NRG1: variants seen among roughly 807,000 people sequenced by gnomAD.
NRG1 encodes the protein pro-neuregulin-1, membrane-bound isoform.
In NRG1, 18 loss-of-function variants were observed where a neutral mutation model predicts 63.8. The observed-to-expected ratio is 0.28, with a 90% CI of 0.19 to 0.42. The LOEUF is 0.42. Ranked by LOEUF, NRG1 falls within the 10% of genes least tolerant of loss-of-function variation. The probability of loss-of-function intolerance (pLI) is 1.00; values close to 1 mark genes in which losing one functional copy is unlikely to be tolerated. For missense variants in NRG1, 762 were observed against 814.7 expected (o/e 0.94, Z 0.79); for synonymous variants, 302 against 301.3 (o/e 1.00, Z -0.02).
intron 1 of NRG1, among the ~76,000 whole-genome samples, chr8:32,593,346 C>T (rs184959136): frequency 1.8e-4 from 28 of 152,088 alleles, no homozygotes; most frequent in Non-Finnish European, 2.1e-4. Context: ...CATGTAGCAC[C>T]GGCAGATTTG....
At chr8:32,466,039 G>A (rs889507673) in intron 1 of NRG1, among the ~76,000 whole-genome samples, 65 of 151,946 alleles carry the variant, frequency 4.3e-4, no homozygotes, top group African/African-American at 1.5e-3. Context: ...TTTCATTAAT[G>A]AGCCTGTAAT....
intron 5 of NRG1, among the ~76,000 whole-genome samples, chr8:32,635,091 C>A (rs967364623): frequency 4.6e-5 from 7 of 152,182 alleles, no homozygotes; most frequent in Non-Finnish European, 7.3e-5. Context: ...TCTAAGGTGA[C>A]TCGGACCTTA....
chr8:32,100,921 A>C (rs1830490688), intron 1 of NRG1, among the ~76,000 whole-genome samples: 1 of 152,064 alleles, frequency 6.6e-6, no homozygotes, highest in Admixed American at 6.6e-5. Context: ...CACAAGAAAT[A>C]CTCTGTAATT....
chr8:32,096,177 G>C (rs552662965), intron 1 of NRG1, among the ~76,000 whole-genome samples: 3 of 152,292 alleles, frequency 2.0e-5, no homozygotes, highest in East Asian at 3.9e-4. Context: ...AAACCAACAC[G>C]TAGCATTAAG....
chr8:31,683,749 G>C (rs1808582230), intron 1 of NRG1, among the ~76,000 whole-genome samples: 1 of 152,096 alleles, frequency 6.6e-6, no homozygotes, highest in African/African-American at 2.4e-5. Context: ...AGGTACCACT[G>C]TGCTGGGGGA....
intron 1 of NRG1, among the ~76,000 whole-genome samples, chr8:31,998,396 C>A (rs750883433): frequency 9.9e-5 from 15 of 151,928 alleles, no homozygotes; most frequent in Non-Finnish European, 2.2e-4. Context: ...AATACAGATA[C>A]TTGGTAAAAT....
At chr8:31,664,896 A>G (rs768204858) in intron 1 of NRG1, among the ~76,000 whole-genome samples, 2 of 152,236 alleles carry the variant, frequency 1.3e-5, no homozygotes, top group African/African-American at 2.4e-5. Context: ...TTGTAATCTA[A>G]ATGTGGAGAC....
At chr8:31,919,131 T>C (rs1183373807) in intron 1 of NRG1, among the ~76,000 whole-genome samples, 2 of 152,194 alleles carry the variant, frequency 1.3e-5, no homozygotes, top group Non-Finnish European at 2.9e-5. Context: ...CTATCAATTT[T>C]GTTGATCCTT....
intron 1 of NRG1, among the ~76,000 whole-genome samples, chr8:32,064,800 G>GA (rs1379327090): frequency 2.6e-5 from 4 of 151,966 alleles, no homozygotes; most frequent in African/African-American, 4.8e-5. Context: ...AACTGCTAGT[G>GA]AAAAAATAAA....
chr8:31,657,382 A>G lies in NRG1; in HGVS notation c.37+17951A>G, dbSNP rs138894691. Among the ~76,000 whole-genome samples the G allele has an allele frequency of 1.6e-3, 239 of 152,348 alleles. 2 individuals are homozygous for G. Among genetic ancestry groups the G allele is most frequent in the African/African-American group, 5.3e-3 (220 of 41,580 alleles). On this transcript the variant is annotated intron_variant, in intron 1 of 10. Coordinates refer to the NRG1 transcript ENST00000519301. ...ACCTTACCTGCGGGCTCCTCCCTCT[A>G]GTTGACCATGGAGAACCATAGATGA...
chr8:32,573,039 G>A (rs1364320148), intron 1 of NRG1, among the ~76,000 whole-genome samples: 2 of 152,084 alleles, frequency 1.3e-5, no homozygotes, highest in Admixed American at 6.5e-5. Flanking sequence ...AACATTTATC[G>A]TAAGTATATC....
rs745848192 is a variant in NRG1 at position 32,692,191 on chromosome 8, C to T, written c.503-35758C>T. On this transcript the variant is annotated intron_variant, in intron 5 of 11. Transcript: ENST00000356819. ...AGGACAGGGTCAAAACTACCTATTACATACATTCACCATGAGAATTTAGCA... is the reference window on the plus strand; with the variant it reads ...AGGACAGGGTCAAAACTACCTATTATATACATTCACCATGAGAATTTAGCA... Among the ~76,000 whole-genome samples, 183 of 152,228 alleles carry T rather than the reference C, an allele frequency of 1.2e-3. 1 individual carries two copies. Among genetic ancestry groups the T allele is most frequent in the Non-Finnish European group, 2.0e-3 (136 of 68,038 alleles).
chr8:32,019,397 A>T (rs1231465790), intron 1 of NRG1, among the ~76,000 whole-genome samples: 1 of 152,154 alleles, frequency 6.6e-6, no homozygotes, highest in Non-Finnish European at 1.5e-5. Context: ...CGTGCCTGGC[A>T]TGGAGGAATT....
chr8:32,349,897 G>A (rs1805379226), intron 1 of NRG1, among the ~76,000 whole-genome samples: 1 of 152,192 alleles, frequency 6.6e-6, no homozygotes, highest in South Asian at 2.1e-4. Flanking sequence ...CAGCAGGATT[G>A]TGGCTGGCCA....
At chr8:31,915,668 AT>A in intron 1 of NRG1, among the ~76,000 whole-genome samples, 1 of 152,126 alleles carries the variant, frequency 6.6e-6, no homozygotes, top group East Asian at 1.9e-4. Flanking sequence ...ATATATGCTC[AT>A]TTTATATCCT....
intron 1 of NRG1, among the ~76,000 whole-genome samples, chr8:32,208,438 A>G (rs1280945146): frequency 6.6e-6 from 1 of 151,964 alleles, no homozygotes; most frequent in Non-Finnish European, 1.5e-5. Context: ...TTGTATTTTC[A>G]GTAGAGACAG....
rs556548126 is a variant in NRG1, at chr8:32,538,134, G to A, written c.38-57694G>A. On this transcript the variant is annotated intron_variant, in intron 1 of 10. Coordinates refer to the NRG1 transcript ENST00000519301. ...CCTAAAATGCTGGGATTACAGGTGT[G>A]AGCCACTGCGCTCAGCTGAGACAGT... 3.3e-5 allele frequency among the ~76,000 whole-genome samples: 5 copies of A among 152,238 alleles called. No homozygotes were observed. The East Asian group carries it at 7.8e-4, about 24-fold the overall frequency.
At chr8:32,136,364 CT>C (rs1835522593) in intron 1 of NRG1, among the ~76,000 whole-genome samples, 1 of 152,162 alleles carries the variant, frequency 6.6e-6, no homozygotes, top group South Asian at 2.1e-4. Flanking sequence ...AATGCAAACA[CT>C]TCAACCACTG....
intron 5 of NRG1, among the ~76,000 whole-genome samples, chr8:32,686,200 T>C (rs940230224): frequency 6.6e-5 from 10 of 152,190 alleles, no homozygotes; most frequent in African/African-American, 2.4e-4. Flanking sequence ...TTGCTACTTC[T>C]TTCCATAAGA....
Sources: gnomAD v4.1 joint callset for allele counts (sites outside exome capture counted in the v4.1 genomes callset) on GRCh38, gnomAD v4.1.1 for gene constraint, MANE v1.5 for transcripts, NCBI Gene and HGNC (gene_info 2026-07-23, HGNC 2026-07-21) for gene names.